IPO11: variants seen among roughly 807,000 people sequenced by gnomAD.
The protein encoded by IPO11 is importin-11.
Under a neutral mutation model 143.2 loss-of-function variants are expected in IPO11, and 66 were observed. The observed-to-expected ratio is 0.46, with a 90% CI of 0.38 to 0.57. The LOEUF (loss-of-function observed/expected upper bound fraction) is 0.57. Among genes scored for constraint, IPO11 ranks in the 20% least tolerant of loss-of-function variants. The pLI, the probability that IPO11 is intolerant of heterozygous loss-of-function variation, is 0.00. For synonymous variants in IPO11, 385 were observed against 377.8 expected (o/e 1.02, Z -0.22); for missense variants, 1,026 against 1,141.0 (o/e 0.90, Z 1.45).
At chr5:62,613,298 CT>C (rs372608086) in intron 29 of IPO11, among the ~76,000 whole-genome samples, 479 of 69,084 alleles carry the variant, frequency 6.9e-3, no homozygotes, top group African/African-American at 0.012. Flanking sequence ...ACATGCTCTT[CT>C]TTTTTTTTTT....
chr5:62,584,612 CAAAAAAAAAAAA>C lies in IPO11; in HGVS notation c.2583-6950_2583-6939del, dbSNP rs56062359. 8.7e-3 allele frequency among the ~76,000 whole-genome samples: 508 copies of C among 58,684 alleles called. 4 individuals are homozygous for C. Among genetic ancestry groups the C allele is most frequent in the African/African-American group, 0.033 (486 of 14,618 alleles). The allele number at this position is 58,684 out of a possible 152,430, so 38.5% of individuals were successfully genotyped here. ...TGGATGACAGAGCAAAACTGTGCCT[CAAAAAAAAAAAA>C]AAAAAAAAAAAAAAGGAAATAGGAG... On this transcript the variant is annotated intron_variant, in intron 27 of 29. Transcript: ENST00000325324.
intron 29 of IPO11, among the ~76,000 whole-genome samples, chr5:62,622,917 T>A (rs1372071095): frequency 2.0e-5 from 3 of 152,206 alleles, no homozygotes; most frequent in Non-Finnish European, 4.4e-5. Flanking sequence ...GAAATTGTAT[T>A]CCAAGCTTCT....
chr5:62,480,419 C>T (rs192857208), intron 9 of IPO11, among the ~76,000 whole-genome samples: 18 of 152,236 alleles, frequency 1.2e-4, no homozygotes, highest in Admixed American at 7.2e-4. Flanking sequence ...CTCGGCAATG[C>T]GGGCTTTTTT....
At chr5:62,590,880 G>A (rs181138885) in intron 27 of IPO11, among the ~76,000 whole-genome samples, 37 of 152,078 alleles carry the variant, frequency 2.4e-4, no homozygotes, top group Admixed American at 2.3e-3. Flanking sequence ...CTTCTTTGGT[G>A]AAATGTCTGT....
intron 1 of IPO11, among the ~76,000 whole-genome samples, chr5:62,435,862 C>G (rs1744210420): frequency 6.6e-6 from 1 of 151,820 alleles, no homozygotes; most frequent in African/African-American, 2.4e-5. Flanking sequence ...AACCCCGTCT[C>G]TACTAAAAAT....
At chr5:62,510,411 C>T (rs570752692) in intron 19 of IPO11, among the ~76,000 whole-genome samples, 2 of 152,274 alleles carry the variant, frequency 1.3e-5, no homozygotes, top group Admixed American at 6.5e-5. Flanking sequence ...TATCTATCCA[C>T]ATATACAGAT....
At chr5:62,567,467 A>T (rs1743981574) in intron 27 of IPO11, among the ~76,000 whole-genome samples, 2 of 103,374 alleles carry the variant, frequency 1.9e-5, no homozygotes, top group Admixed American at 9.5e-5. Context: ...GATTTGGAAA[A>T]TTTTCTATTA....
At chr5:62,514,325 T>G (rs1043830826) in intron 19 of IPO11, among the ~76,000 whole-genome samples, 2 of 152,054 alleles carry the variant, frequency 1.3e-5, no homozygotes, top group African/African-American at 4.8e-5. Flanking sequence ...TGAATGAGAC[T>G]CCGTCTGCAA....
intron 27 of IPO11, among the ~76,000 whole-genome samples, chr5:62,572,725 G>A (rs1057498906): frequency 6.6e-6 from 1 of 151,896 alleles, no homozygotes; most frequent in East Asian, 1.9e-4. Context: ...GGGACTACAG[G>A]ATTGCGCTAC....
Position 62,503,216 on chromosome 5 carries a change from T to G in IPO11, c.1591-1451T>G, listed in dbSNP as rs187509431. 1.7e-3 allele frequency among the ~76,000 whole-genome samples: 251 copies of G among 152,116 alleles called. 3 individuals are homozygous for G. In the Middle Eastern group the frequency reaches 0.017, roughly 10 times the overall value. On this transcript the variant is annotated intron_variant, in intron 16 of 29. Transcript: ENST00000325324. ...TGTATATTCACTCAGTACTAAATGC[T>G]GGGAACTTAAAGATGTTTATGTGTA...
chr5:62,610,762 CT>C (rs998230345), intron 29 of IPO11, among the ~76,000 whole-genome samples: 62 of 151,674 alleles, frequency 4.1e-4, no homozygotes, highest in African/African-American at 1.4e-3. Flanking sequence ...CAAAATGAAT[CT>C]TTTTTTTTCT....
chr5:62,466,008 C>T (rs1340252438), intron 5 of IPO11, among the ~76,000 whole-genome samples: 1 of 152,172 alleles, frequency 6.6e-6, no homozygotes, highest in Non-Finnish European at 1.5e-5. Flanking sequence ...GGGAGTAGGG[C>T]AGAAAACCTT....
intron 29 of IPO11, among the ~76,000 whole-genome samples, chr5:62,626,278 T>A (rs1746573766): frequency 6.6e-6 from 1 of 152,214 alleles, no homozygotes; most frequent in South Asian, 2.1e-4. Flanking sequence ...TCTGCCTGCC[T>A]CAGCCTCCTA....
At position 62,627,976 on chromosome 5, in the gene IPO11, A is replaced by G. The variant is rs1030122764; in HGVS notation, c.*658A>G. ...TTTTTCCAGTAAATACATTGGGTCT[A>G]TAAATGTGCATTTGTAAGGGCCACA... On this transcript the variant is annotated 3_prime_UTR_variant, in exon 30 of 30. Transcript: ENST00000325324. 2 of 151,904 alleles carry G rather than the reference A, an allele frequency of 1.3e-5. No individual in the cohort carries two copies. Among genetic ancestry groups the G allele is most frequent in the Admixed American group, 6.6e-5 (1 of 15,234 alleles). 9.4% of individuals were successfully genotyped at this position (151,904 alleles called of 1,614,324 possible).
chr5:62,451,676 A>G, intron 4 of IPO11, 54 bp from the exon 5 acceptor site: 1 of 1,307,188 alleles, frequency 7.7e-7, no homozygotes, highest in East Asian at 2.3e-5. Flanking sequence ...TGTCACCGTG[A>G]ATGCATTCCT....
At chr5:62,591,178 G>A (rs1366640698) in intron 27 of IPO11, among the ~76,000 whole-genome samples, 2 of 151,932 alleles carry the variant, frequency 1.3e-5, no homozygotes, top group Admixed American at 6.6e-5. Flanking sequence ...TCCATTACCA[G>A]ATACTTGTTT....
At chr5:62,539,582 G>GA (rs1160425738) in intron 24 of IPO11, among the ~76,000 whole-genome samples, 1 of 152,150 alleles carries the variant, frequency 6.6e-6, no homozygotes, top group Admixed American at 6.5e-5. Flanking sequence ...GGCTCTAAAG[G>GA]ACTTGTAATA....
chr5:62,559,498 C>T (rs1743692955), intron 26 of IPO11, among the ~76,000 whole-genome samples: 1 of 152,032 alleles, frequency 6.6e-6, no homozygotes, highest in Non-Finnish European at 1.5e-5. Context: ...ATGTAATATT[C>T]TAAATCATTT....
chr5:62,503,420 T>TATTAATAGTATCTATTAATAG (rs1741426784), intron 16 of IPO11, among the ~76,000 whole-genome samples: 9 of 148,330 alleles, frequency 6.1e-5, no homozygotes, highest in African/African-American at 2.0e-4. Context: ...TCTATTAATA[T>TATTAATAGTATCTATTAATAG]ATTAATAGTA....
Sources: gnomAD v4.1 joint callset for allele counts (sites outside exome capture counted in the v4.1 genomes callset) on GRCh38, gnomAD v4.1.1 for gene constraint, MANE v1.5 for transcripts, NCBI Gene and HGNC (gene_info 2026-07-23, HGNC 2026-07-21) for gene names.